The following TEX35 variants were observed in gnomAD, a reference collection of about 807,000 sequenced individuals.
TEX35 encodes the protein testis-expressed protein 35.
In TEX35, 26 loss-of-function variants were observed where a neutral mutation model predicts 31.9. The ratio of observed to expected loss-of-function variants is 0.81; its 90% CI spans 0.60 to 1.13. The LOEUF is 1.13. TEX35 is among the 50% of genes most tolerant of loss of function. The pLI is 0.00. For missense variants in TEX35, 278 were observed against 273.5 expected, an observed-to-expected ratio of 1.02 and a Z score of -0.12; for synonymous variants, 87 against 90.7, an observed-to-expected ratio of 0.96 and a Z score of 0.23.
intron 5 of TEX35, among the ~76,000 whole-genome samples, chr1:178,517,259 C>T (rs890731875): frequency 1.3e-5 from 2 of 152,182 alleles, no homozygotes; most frequent in Admixed American, 6.5e-5. Flanking sequence ...ATCAGCCCAA[C>T]GATAACCAAA....
At chr1:178,516,727 G>A in intron 5 of TEX35, 53 bp downstream of exon 5, 1 of 1,329,806 alleles carries the variant, frequency 7.5e-7, no homozygotes, top group East Asian at 2.5e-5. Flanking sequence ...GGAAACTGTG[G>A]AAGAGACACC....
intron 3 of TEX35, 45 bp from the exon 4 acceptor site, chr1:178,515,814 C>A (rs957052589): frequency 6.7e-7 from 1 of 1,500,424 alleles, no homozygotes; most frequent in Non-Finnish European, 9.2e-7. Flanking sequence ...CCCCTCCATC[C>A]TAGATATTTC....
rs764427719 is a variant in TEX35, at chr1:178,521,916, C to T, written c.587-409C>T. The T allele has an allele frequency of 1.8e-4, 237 of 1,285,642 alleles. 1 individual carries two copies. Among genetic ancestry groups the T allele is most frequent in the Non-Finnish European group, 2.4e-4 (234 of 963,232 alleles). The allele number at this position is 1,285,642 out of a possible 1,614,324, so 79.6% of individuals were successfully genotyped here. A position where few individuals can be genotyped will look rare whatever the true frequency, so the allele number is the denominator to read the frequency against. On this transcript the variant is annotated intron_variant, in intron 8 of 8. Coordinates refer to ENST00000319416, the MANE Select transcript of TEX35 (RefSeq NM_032126.5). ...TTTCAGACTCCAACCCTTCCCCCTG[C>T]TTCCTGATGGATTGGTGGGAAATTA...
intron 1 of TEX35, among the ~76,000 whole-genome samples, chr1:178,513,580 C>A (rs779858170): frequency 1.3e-5 from 2 of 152,232 alleles, no homozygotes; most frequent in Non-Finnish European, 2.9e-5. Flanking sequence ...TAAATATAAT[C>A]ATCACGTCGA....
chr1:178,516,129 T>TC (rs1650067169), intron 4 of TEX35, among the ~76,000 whole-genome samples: 1 of 152,208 alleles, frequency 6.6e-6, no homozygotes, highest in Non-Finnish European at 1.5e-5. Flanking sequence ...CTAAAGTGTC[T>TC]CTTTGGTAAG....
chr1:178,520,744 TCAGGCC>T lies in TEX35; in HGVS notation c.416_421del (p.Arg139_Pro140del). 1 of 1,613,622 alleles carries T rather than the reference TCAGGCC, an allele frequency of 6.2e-7. No homozygotes were observed. On this transcript the variant is annotated inframe_deletion, in exon 7 of 9. Transcript: ENST00000319416. ...GGAAAGACTCACAGAGAACCACAGCTCAGGCCCAAGAAAATGGATGGAGCCAGTGGA... is the reference window on the plus strand; with the variant it reads ...GGAAAGACTCACAGAGAACCACAGCTCAAGAAAATGGATGGAGCCAGTGGA...
At chr1:178,518,671 A>C (rs1471656877) in intron 5 of TEX35, among the ~76,000 whole-genome samples, 1 of 152,248 alleles carries the variant, frequency 6.6e-6, no homozygotes, top group Non-Finnish European at 1.5e-5. Flanking sequence ...AAAGGGGTTC[A>C]TAGCAGTTAT....
chr1:178,522,035 T>A (rs962327613), intron 8 of TEX35: 19 of 667,948 alleles, frequency 2.8e-5, no homozygotes, highest in Non-Finnish European at 4.6e-5. Flanking sequence ...GGAGGGCCCC[T>A]GATGATAGCG....
chr1:178,518,799 G>A (rs531096505), intron 5 of TEX35, among the ~76,000 whole-genome samples: 45 of 152,308 alleles, frequency 3.0e-4, no homozygotes, highest in Non-Finnish European at 5.9e-4. Flanking sequence ...TTTTGTTGGT[G>A]GGGAGGCTGG....
chr1:178,522,816 C>A (rs1650333107), downstream of TEX35, among the ~76,000 whole-genome samples: 1 of 152,146 alleles, frequency 6.6e-6, no homozygotes. Flanking sequence ...GAGTTGCAAA[C>A]AATCCAGTTA....
chr1:178,521,805 A>G (rs1236008599), intron 8 of TEX35: 3 of 1,545,330 alleles, frequency 1.9e-6, no homozygotes, highest in Non-Finnish European at 2.6e-6. Context: ...CCTTCATTCA[A>G]AGCCAAAGGG....
intron 3 of TEX35, 38 bp from the exon 4 acceptor site, chr1:178,515,821 T>C: frequency 6.4e-7 from 1 of 1,555,720 alleles, no homozygotes. Context: ...ATCCTAGATA[T>C]TTCTTTCCTC....
intron 1 of TEX35, among the ~76,000 whole-genome samples, chr1:178,513,771 G>C (rs368595207): frequency 6.6e-6 from 1 of 152,240 alleles, no homozygotes; most frequent in East Asian, 1.9e-4. Flanking sequence ...CCACGCTGGC[G>C]CCTCCAGCAG....
chr1:178,513,337 T>G, intron 1 of TEX35, 110 bp downstream of exon 1: 1 of 1,391,836 alleles, frequency 7.2e-7, no homozygotes, highest in East Asian at 2.4e-5. Context: ...CTCTGGTTTT[T>G]CTTTCTCTGT....
At chr1:178,513,374 T>C (rs550556956) in intron 1 of TEX35, 147 bp downstream of exon 1, 244 of 1,062,582 alleles carry the variant, frequency 2.3e-4, no homozygotes, top group Non-Finnish European at 4.9e-5. Flanking sequence ...CCTCTCAGTC[T>C]GGAAGGGGTG....
At chr1:178,521,356 C>G in intron 8 of TEX35, 92 bp downstream of exon 8, 1 of 1,428,976 alleles carries the variant, frequency 7.0e-7, no homozygotes, top group East Asian at 2.3e-5. Flanking sequence ...ACATCACACC[C>G]CTCCTGAGGT....
chr1:178,523,029 A>G (rs960979272), downstream of TEX35, among the ~76,000 whole-genome samples: 1 of 152,168 alleles, frequency 6.6e-6, no homozygotes, highest in Non-Finnish European at 1.5e-5. Flanking sequence ...TTTAGATCCC[A>G]CAAATAAGTG....
At chr1:178,515,147 G>A (rs1231422743) in intron 3 of TEX35, among the ~76,000 whole-genome samples, 6 of 152,080 alleles carry the variant, frequency 3.9e-5, no homozygotes, top group East Asian at 1.9e-4. Flanking sequence ...TCCCTCTGTC[G>A]CCCAGGCTGG....
chr1:178,522,134 C>T, intron 8 of TEX35, 191 bp from the exon 9 acceptor site: 1 of 797,012 alleles, frequency 1.3e-6, no homozygotes, highest in Non-Finnish European at 1.9e-6. Flanking sequence ...TGCATGGGGC[C>T]AGGGTGTCTT....
Sources: gnomAD v4.1 joint callset for allele counts (sites outside exome capture counted in the v4.1 genomes callset) on GRCh38, gnomAD v4.1.1 for gene constraint, MANE v1.5 for transcripts, NCBI Gene and HGNC (gene_info 2026-07-23, HGNC 2026-07-21) for gene names.